ZCCHC7: variants seen among roughly 807,000 people sequenced by gnomAD.
ZCCHC7 encodes zinc finger CCHC-type containing 7.
ZCCHC7 carries 35 observed loss-of-function variants against 52.0 expected under a neutral mutation model. That is an observed-to-expected ratio of 0.67 (90% CI 0.51 to 0.89). The LOEUF (loss-of-function observed/expected upper bound fraction) is 0.89, where lower values mean the gene tolerates loss of function less well. ZCCHC7 is among the 40% of genes least tolerant of loss of function. ZCCHC7 has a pLI of 0.00. For synonymous variants in ZCCHC7, 217 were observed against 221.5 expected (o/e 0.98, Z 0.18); for missense variants, 574 against 649.1 (o/e 0.88, Z 1.26).
chr9:37,301,609 CAAG>C (rs925544188), intron 2 of ZCCHC7, among the ~76,000 whole-genome samples: 13 of 152,068 alleles, frequency 8.5e-5, no homozygotes, highest in African/African-American at 3.1e-4. Context: ...CCAAAAAAAA[CAAG>C]AAGTAAGGGG....
At chr9:37,273,673 G>C (rs1827543168) in intron 2 of ZCCHC7, among the ~76,000 whole-genome samples, 1 of 152,180 alleles carries the variant, frequency 6.6e-6, no homozygotes, top group South Asian at 2.1e-4. Context: ...ATATTTGGTG[G>C]TGTTAAAATT....
At chr9:37,250,860 G>T (rs1826296805) in intron 2 of ZCCHC7, among the ~76,000 whole-genome samples, 1 of 152,168 alleles carries the variant, frequency 6.6e-6, no homozygotes, top group Non-Finnish European at 1.5e-5. Flanking sequence ...GAGTTACTTT[G>T]TAAAGTGATG....
intron 2 of ZCCHC7, among the ~76,000 whole-genome samples, chr9:37,169,526 C>T (rs994043138): frequency 1.3e-5 from 2 of 152,152 alleles, no homozygotes; most frequent in Non-Finnish European, 2.9e-5. Flanking sequence ...ACTATGGATA[C>T]TTTATCTTAA....
At chr9:37,217,515 G>A (rs528605591) in intron 2 of ZCCHC7, among the ~76,000 whole-genome samples, 4 of 151,710 alleles carry the variant, frequency 2.6e-5, no homozygotes, top group Admixed American at 6.6e-5. Flanking sequence ...CTCCCCTTTC[G>A]CCTCAAATTT....
chr9:37,245,010 G>T (rs1308943207), intron 2 of ZCCHC7, among the ~76,000 whole-genome samples: 1 of 151,674 alleles, frequency 6.6e-6, no homozygotes. Flanking sequence ...TGATTTTATG[G>T]GATCAAAGTG....
chr9:37,199,685 T>A (rs1823512700), intron 2 of ZCCHC7, among the ~76,000 whole-genome samples: 2 of 68,960 alleles, frequency 2.9e-5, no homozygotes, highest in Admixed American at 2.3e-4. Flanking sequence ...TCTGTCTGTC[T>A]GTCTTTCTGT....
At chr9:37,187,959 C>A (rs116324989) in intron 2 of ZCCHC7, among the ~76,000 whole-genome samples, 2,291 of 152,120 alleles carry the variant, frequency 0.015, 60 homozygotes, top group African/African-American at 0.053. Context: ...CTCAGTTATT[C>A]TAATTTTGTT....
At chr9:37,264,988 G>T (rs1055379046) in intron 2 of ZCCHC7, among the ~76,000 whole-genome samples, 1 of 152,188 alleles carries the variant, frequency 6.6e-6, no homozygotes, top group Admixed American at 6.5e-5. Context: ...ATTTATGTAT[G>T]TGTGTGGCAG....
intron 2 of ZCCHC7, among the ~76,000 whole-genome samples, chr9:37,180,921 A>G (rs534098711): frequency 1.1e-4 from 16 of 152,280 alleles, no homozygotes; most frequent in African/African-American, 3.6e-4. Flanking sequence ...TGTTTTATTT[A>G]TAAAACAAAT....
At chr9:37,272,591 T>C (rs1482446053) in intron 2 of ZCCHC7, among the ~76,000 whole-genome samples, 1 of 151,868 alleles carries the variant, frequency 6.6e-6, no homozygotes, top group Non-Finnish European at 1.5e-5. Context: ...CTCTTTCATA[T>C]ATATGTGAAT....
At chr9:37,154,764 G>T (rs1468378912) in intron 2 of ZCCHC7, among the ~76,000 whole-genome samples, 1 of 152,074 alleles carries the variant, frequency 6.6e-6, no homozygotes. Context: ...CCAATGCTGG[G>T]ATTACAGGTG....
chr9:37,209,386 C>T (rs1824091506), intron 2 of ZCCHC7, among the ~76,000 whole-genome samples: 1 of 151,936 alleles, frequency 6.6e-6, no homozygotes, highest in South Asian at 2.1e-4. Context: ...AGAGCTTTTG[C>T]AGGTATCGTG....
chr9:37,198,464 A>G (rs995748369), intron 2 of ZCCHC7, among the ~76,000 whole-genome samples: 1 of 152,198 alleles, frequency 6.6e-6, no homozygotes, highest in African/African-American at 2.4e-5. Context: ...TCTTTGTCAC[A>G]GAACAACTTG....
intron 6 of ZCCHC7, among the ~76,000 whole-genome samples, chr9:37,333,432 G>A (rs2118304115): frequency 6.6e-6 from 1 of 151,706 alleles, no homozygotes; most frequent in Admixed American, 6.6e-5. Context: ...AAGTCCCTGT[G>A]CTTTTTATTC....
chr9:37,120,510 C>A, upstream of ZCCHC7: 1 of 399,088 alleles, frequency 2.5e-6, no homozygotes. Context: ...CCGGAAGTGC[C>A]TTCCCTCCCG....
chr9:37,303,243 G>A (rs1475607987), intron 3 of ZCCHC7, among the ~76,000 whole-genome samples: 1 of 152,034 alleles, frequency 6.6e-6, no homozygotes, highest in East Asian at 1.9e-4. Flanking sequence ...TGGGCAACAT[G>A]GCGAAACTCC....
intron 2 of ZCCHC7, among the ~76,000 whole-genome samples, chr9:37,280,784 C>T (rs1379013858): frequency 6.6e-6 from 1 of 151,502 alleles, no homozygotes; most frequent in Non-Finnish European, 1.5e-5. Context: ...GTCTTTCTTT[C>T]TTGAGACAGA....
At chr9:37,273,126 G>A (rs533440167) in intron 2 of ZCCHC7, among the ~76,000 whole-genome samples, 2 of 152,060 alleles carry the variant, frequency 1.3e-5, no homozygotes, top group South Asian at 2.1e-4. Context: ...GGCTGTTTTC[G>A]GCCCATAATG....
At chr9:37,228,760 C>A (rs547317720) in intron 2 of ZCCHC7, among the ~76,000 whole-genome samples, 1 of 150,172 alleles carries the variant, frequency 6.7e-6, no homozygotes, top group Non-Finnish European at 1.5e-5. Flanking sequence ...TGAATATATT[C>A]ATATAAGAAA....
Sources: gnomAD v4.1 joint callset for allele counts (sites outside exome capture counted in the v4.1 genomes callset) on GRCh38, gnomAD v4.1.1 for gene constraint, MANE v1.5 for transcripts, NCBI Gene and HGNC (gene_info 2026-07-23, HGNC 2026-07-21) for gene names.